The following GLT1D1 variants were observed in gnomAD, a reference collection of about 807,000 sequenced individuals.
GLT1D1 encodes the protein glycosyltransferase 1 domain-containing protein 1.
In GLT1D1, 21 loss-of-function variants were observed where a neutral mutation model predicts 28.7. That is an observed-to-expected ratio of 0.73 (90% CI 0.52 to 1.05). GLT1D1 has a LOEUF of 1.05. GLT1D1 is among the 50% of genes least tolerant of loss of function. The probability of loss-of-function intolerance (pLI) is 0.00; values close to 1 mark genes in which losing one functional copy is unlikely to be tolerated. For synonymous variants in GLT1D1, 147 were observed against 124.8 expected (o/e 1.18, Z -1.19); for missense variants, 343 against 330.6 (o/e 1.04, Z -0.29).
intron 7 of GLT1D1, among the ~76,000 whole-genome samples, chr12:128,966,548 C>T (rs1202356340): frequency 6.6e-6 from 1 of 152,190 alleles, no homozygotes; most frequent in Non-Finnish European, 1.5e-5. Flanking sequence ...TCCAGGAGAG[C>T]AGTTTCTCCA....
chr12:128,858,617 G>T (rs746750330), intron 1 of GLT1D1, among the ~76,000 whole-genome samples: 9 of 151,474 alleles, frequency 5.9e-5, no homozygotes, highest in Non-Finnish European at 1.2e-4. Context: ...GTTGCAGTGA[G>T]CTGAGATCAC....
intron 4 of GLT1D1, chr12:128,906,768 G>T (rs1870916995): frequency 4.0e-6 from 2 of 496,066 alleles, no homozygotes; most frequent in Admixed American, 7.0e-5. Context: ...CCCCTTCTGG[G>T]GCCTAATTTA....
At chr12:128,864,333 G>A (rs1401209911) in intron 1 of GLT1D1, among the ~76,000 whole-genome samples, 3 of 152,006 alleles carry the variant, frequency 2.0e-5, no homozygotes, top group Non-Finnish European at 2.9e-5. Context: ...AAGGAGACAG[G>A]CTGGGAAGGC....
At chr12:128,880,845 T>G (rs904460096) in intron 2 of GLT1D1, among the ~76,000 whole-genome samples, 3 of 152,154 alleles carry the variant, frequency 2.0e-5, no homozygotes, top group Admixed American at 6.5e-5. Flanking sequence ...GTGTGTGTGT[T>G]TTTGGTTTTA....
At chr12:128,874,292 G>A (rs532086468) in intron 1 of GLT1D1, among the ~76,000 whole-genome samples, 6 of 149,372 alleles carry the variant, frequency 4.0e-5, no homozygotes, top group Admixed American at 1.3e-4. Flanking sequence ...AGCAATTCTC[G>A]TGCCTCAGCC....
chr12:128,919,161 G>A lies in GLT1D1; in HGVS notation c.375+19874G>A, dbSNP rs368309169. Among the ~76,000 whole-genome samples, 28 of 152,220 alleles carry A rather than the reference G, an allele frequency of 1.8e-4. No individual in the cohort carries two copies. In the East Asian group the frequency reaches 3.9e-3, roughly 21 times the overall value. The stretch of plus-strand genomic sequence containing the variant: ...GTCTCTCAGGCTCTGGGGATGGGCC[G>A]TCCTCATCAACCTTACTCTATCTTC... On this transcript the variant is annotated intron_variant, in intron 4 of 7. Coordinates refer to ENST00000281703, the MANE Select transcript of GLT1D1 (RefSeq NM_144669.3).
rs1174597883 is a variant in GLT1D1, at chr12:128,899,245, C to T, written c.333C>T (p.Val111=). Residue 111 remains valine, a synonymous_variant, in exon 4 of 8, where the codon GTC becomes GTT. Transcript: ENST00000281703. Reference sequence around the variant, plus strand: ...TTTGTTCATTTACTAGATTTGCTGTCGCTTTCACAGAGTCAATGAAGGAAA... The same window carrying T: ...TTTGTTCATTTACTAGATTTGCTGTTGCTTTCACAGAGTCAATGAAGGAAA... 8.1e-6 allele frequency: 13 copies of T among 1,612,250 alleles called. No individual in the cohort carries two copies. Among genetic ancestry groups the T allele is most frequent in the African/African-American group, 2.7e-5 (2 of 74,878 alleles).
chr12:128,934,789 C>A (rs558896803), intron 4 of GLT1D1, among the ~76,000 whole-genome samples: 1 of 152,316 alleles, frequency 6.6e-6, no homozygotes, highest in African/African-American at 2.4e-5. Flanking sequence ...GTCAAGAAGC[C>A]CTTCATTCAA....
At position 128,936,304 on chromosome 12, in the gene GLT1D1, G is replaced by A. The variant is rs531443282; in HGVS notation, c.376-9022G>A. ...CGAGTAGCTGGGACTACAGGCACCC[G>A]CCACCACACCCAGCTAATTTTTTGT... On this transcript the variant is annotated intron_variant, in intron 4 of 7. Coordinates refer to ENST00000281703, the MANE Select transcript of GLT1D1 (RefSeq NM_144669.3). 8.2e-3 allele frequency among the ~76,000 whole-genome samples: 1,239 copies of A among 151,802 alleles called. 25 individuals carry two copies. Among genetic ancestry groups the A allele is most frequent in the African/African-American group, 0.029 (1,190 of 41,386 alleles).
At chr12:128,926,956 A>G in intron 4 of GLT1D1, 149 bp from the exon 8 acceptor site, 2 of 544,108 alleles carry the variant, frequency 3.7e-6, no homozygotes, top group Non-Finnish European at 6.5e-6. Context: ...CTAAATAAAT[A>G]TAATTTAAAT....
intron 7 of GLT1D1, among the ~76,000 whole-genome samples, chr12:128,972,326 G>A (rs887931745): frequency 6.6e-6 from 1 of 152,266 alleles, no homozygotes; most frequent in Non-Finnish European, 1.5e-5. Context: ...CGTGTAGGTA[G>A]CTGCGGGAGA....
chr12:128,910,217 T>G (rs963413965), intron 4 of GLT1D1, among the ~76,000 whole-genome samples: 7 of 151,894 alleles, frequency 4.6e-5, no homozygotes, highest in African/African-American at 1.7e-4. Context: ...AAATCTTCAC[T>G]TTCAGTCAAT....
intron 4 of GLT1D1, among the ~76,000 whole-genome samples, chr12:128,927,999 C>CAAAAAAAAA (rs938188484): frequency 2.0e-3 from 86 of 42,236 alleles, no homozygotes; most frequent in Non-Finnish European, 2.6e-3. Flanking sequence ...GACTCTGTCT[C>CAAAAAAAAA]AAAAAAAAAA....
chr12:128,955,773 A>G (rs6486739), intron 6 of GLT1D1, among the ~76,000 whole-genome samples: 67,950 of 150,986 alleles, frequency 0.45, 16,424 homozygotes, highest in Non-Finnish European at 0.54. Flanking sequence ...AACGGGAGAC[A>G]CATCTGGTCA....
chr12:128,880,082 A>G (rs1388298391), intron 2 of GLT1D1, among the ~76,000 whole-genome samples: 1 of 152,246 alleles, frequency 6.6e-6, no homozygotes, highest in East Asian at 1.9e-4. Flanking sequence ...TTTGATTGAC[A>G]GTGACAAAAT....
intron 2 of GLT1D1, among the ~76,000 whole-genome samples, chr12:128,879,736 C>T (rs1593072808): frequency 6.6e-6 from 1 of 152,094 alleles, no homozygotes; most frequent in Non-Finnish European, 1.5e-5. Flanking sequence ...GGATTACAGG[C>T]GGGAGCCACC....
In GLT1D1 at chr12:128,890,674, A is replaced by G. The variant is rs111545472; in HGVS notation, c.323+1930A>G. 5.4e-3 allele frequency among the ~76,000 whole-genome samples: 815 copies of G among 151,884 alleles called. 4 individuals carry two copies. The highest frequency in any genetic ancestry group is 0.019 in the African/African-American group (769 of 41,398). ...GTGGTGGGTACCTGTAATTCCGGCT[A>G]CTTGGGAGGCTGAGGCAGAAGAATC... is the stretch of plus-strand genomic sequence containing the variant. On this transcript the variant is annotated intron_variant, in intron 3 of 7. Coordinates refer to ENST00000281703, the MANE Select transcript of GLT1D1 (RefSeq NM_144669.3).
At chr12:128,900,636 C>CTTT (rs71072419) in intron 4 of GLT1D1, among the ~76,000 whole-genome samples, 1 of 140,532 alleles carries the variant, frequency 7.1e-6, no homozygotes, top group Non-Finnish European at 1.6e-5. Flanking sequence ...TAATACCAAA[C>CTTT]TTTTTTTTTT....
At chr12:128,959,435 GCAGC>G (rs1565914016) in intron 7 of GLT1D1, among the ~76,000 whole-genome samples, 34 of 101,470 alleles carry the variant, frequency 3.4e-4, no homozygotes, top group Admixed American at 7.1e-4. Context: ...TGGGGAGGTG[GCAGC>G]GGGGTGGGGA....
Sources: gnomAD v4.1 joint callset for allele counts (sites outside exome capture counted in the v4.1 genomes callset) on GRCh38, gnomAD v4.1.1 for gene constraint, MANE v1.5 for transcripts, NCBI Gene and HGNC (gene_info 2026-07-23, HGNC 2026-07-21) for gene names.